STAC: variants seen among roughly 807,000 people sequenced by gnomAD.
STAC encodes SH3 and cysteine-rich domain-containing protein.
A neutral mutation model predicts 48.8 loss-of-function variants in STAC; 43 were observed. That is an observed-to-expected ratio of 0.88 (90% CI 0.69 to 1.14). The LOEUF is 1.14. Among genes scored for constraint, STAC ranks in the 50% most tolerant of loss-of-function variants. The pLI is 0.00. For missense variants in STAC, 497 were observed against 504.0 expected (o/e 0.99, Z 0.13); for synonymous variants, 193 against 179.5 (o/e 1.07, Z -0.60).
intron 1 of STAC, among the ~76,000 whole-genome samples, chr3:36,433,879 G>A (rs1373367461): frequency 6.6e-6 from 1 of 152,154 alleles, no homozygotes; most frequent in Non-Finnish European, 1.5e-5. Flanking sequence ...ACTGGTTTTT[G>A]GAGCTGGCTA....
intron 1 of STAC, among the ~76,000 whole-genome samples, chr3:36,398,593 G>A (rs1699929803): frequency 1.2e-5 from 1 of 85,140 alleles, no homozygotes; most frequent in Non-Finnish European, 2.3e-5. Context: ...AGGAAGGAAG[G>A]AAGGAAGAAA....
intron 3 of STAC, among the ~76,000 whole-genome samples, chr3:36,483,896 AG>A (rs1697727433): frequency 6.6e-6 from 1 of 152,206 alleles, no homozygotes; most frequent in East Asian, 1.9e-4. Context: ...GGTTTCAGTA[AG>A]CCATTATTGC....
intron 10 of STAC, among the ~76,000 whole-genome samples, chr3:36,536,566 C>T (rs184344302): frequency 2.4e-4 from 37 of 152,238 alleles, no homozygotes; most frequent in Admixed American, 6.5e-4. Context: ...AAGATGGACC[C>T]CTTTCTTACA....
intron 2 of STAC, among the ~76,000 whole-genome samples, chr3:36,456,848 C>T (rs112181997): frequency 1.9e-3 from 295 of 152,294 alleles, no homozygotes; most frequent in African/African-American, 6.6e-3. Flanking sequence ...ACAGCTCCCA[C>T]CCTGATTCAA....
At chr3:36,435,849 A>G (rs986043516) in intron 1 of STAC, among the ~76,000 whole-genome samples, 1 of 152,084 alleles carries the variant, frequency 6.6e-6, no homozygotes, top group African/African-American at 2.4e-5. Context: ...TTCTTCCCTC[A>G]GCTTCTAACA....
chr3:36,380,549 C>T lies in STAC; in HGVS notation c.-95C>T. On this transcript the variant is annotated 5_prime_UTR_variant, in exon 1 of 11. Transcript: ENST00000273183. ...GGCGAGGATGGGAGTCCCCAGGACCCGGAGCTGAGCAGCCTGGCGCGCGGC... is the reference window on the plus strand; with the variant it reads ...GGCGAGGATGGGAGTCCCCAGGACCTGGAGCTGAGCAGCCTGGCGCGCGGC... 1 of 1,010,574 alleles carries T rather than the reference C, an allele frequency of 9.9e-7. No homozygotes were observed. The highest frequency in any genetic ancestry group is 1.5e-6 in the Non-Finnish European group (1 of 666,708). The allele number at this position is 1,010,574 out of a possible 1,614,324, so 62.6% of individuals were successfully genotyped here.
intron 1 of STAC, among the ~76,000 whole-genome samples, chr3:36,442,506 A>G (rs1181119920): frequency 6.6e-6 from 1 of 152,182 alleles, no homozygotes; most frequent in East Asian, 1.9e-4. Flanking sequence ...ACCATGGTGC[A>G]AGCTGTCATC....
At chr3:36,460,137 T>C (rs1046735344) in intron 2 of STAC, among the ~76,000 whole-genome samples, 3 of 152,102 alleles carry the variant, frequency 2.0e-5, no homozygotes, top group Non-Finnish European at 2.9e-5. Flanking sequence ...GTAATCAGGA[T>C]ACCTGTGTTC....
At chr3:36,380,785 C>CAA in intron 1 of STAC, 31 bp downstream of exon 1, 1 of 1,527,882 alleles carries the variant, frequency 6.5e-7, no homozygotes, top group Non-Finnish European at 9.0e-7. Context: ...CAAGAGAACA[C>CAA]AAACTCACTC....
At chr3:36,474,953 G>C (rs1697450661) in intron 2 of STAC, among the ~76,000 whole-genome samples, 1 of 152,090 alleles carries the variant, frequency 6.6e-6, no homozygotes, top group Non-Finnish European at 1.5e-5. Flanking sequence ...GTAGAATCAG[G>C]ATGAAAATTC....
chr3:36,543,289 G>A (rs1699372369), intron 10 of STAC, among the ~76,000 whole-genome samples: 1 of 152,130 alleles, frequency 6.6e-6, no homozygotes, highest in South Asian at 2.1e-4. Flanking sequence ...GATTCTCAAG[G>A]CTGAGAGGTT....
At chr3:36,410,634 C>A (rs73059936) in intron 1 of STAC, among the ~76,000 whole-genome samples, 3,537 of 152,206 alleles carry the variant, frequency 0.023, 60 homozygotes, top group East Asian at 0.026. Context: ...AAAGGATATC[C>A]GTTCTTTTTG....
In STAC at chr3:36,400,043, A is replaced by G. The variant is rs377731517; in HGVS notation, c.111+19289A>G. Among the ~76,000 whole-genome samples, 16 of 152,368 alleles carry G rather than the reference A, an allele frequency of 1.1e-4. No homozygotes were observed. The South Asian group carries it at 3.3e-3, about 32-fold the overall frequency. On this transcript the variant is annotated intron_variant, in intron 1 of 10. Transcript: ENST00000273183. ...CCCGGTCGAAAGAGGTACAAGCAGTAAAGTAATAGTGAGTGACCTGTGGAA... is the reference window on the plus strand; with the variant it reads ...CCCGGTCGAAAGAGGTACAAGCAGTGAAGTAATAGTGAGTGACCTGTGGAA...
intron 1 of STAC, among the ~76,000 whole-genome samples, chr3:36,415,153 A>T (rs1400449817): frequency 1.3e-5 from 2 of 152,184 alleles, no homozygotes; most frequent in Non-Finnish European, 2.9e-5. Flanking sequence ...CGGTTCTCGG[A>T]TCTCAAGCTG....
At chr3:36,522,240 G>T (rs1698825528) in intron 8 of STAC, among the ~76,000 whole-genome samples, 1 of 152,132 alleles carries the variant, frequency 6.6e-6, no homozygotes, top group Non-Finnish European at 1.5e-5. Context: ...TTCTATATTT[G>T]TTTGTCATCT....
intron 2 of STAC, among the ~76,000 whole-genome samples, chr3:36,482,731 A>G (rs2125699460): frequency 6.6e-6 from 1 of 152,342 alleles, no homozygotes; most frequent in Non-Finnish European, 1.5e-5. Context: ...TTGAATTGAG[A>G]GAACAAAGGG....
rs991562739 is a variant in STAC at position 36,443,971 on chromosome 3, A to G, written c.388+331A>G. 6.6e-6 allele frequency among the ~76,000 whole-genome samples: 1 copy of G among 152,202 alleles called. No individual in the cohort carries two copies. Among genetic ancestry groups the G allele is most frequent in the African/African-American group, 2.4e-5 (1 of 41,454 alleles). On this transcript the variant is annotated intron_variant, in intron 2 of 10. Coordinates refer to ENST00000273183, the MANE Select transcript of STAC (RefSeq NM_003149.3). The surrounding 1 kb of genome is among the most constrained non-coding windows in gnomAD (Gnocchi z 4.2). ...CATCAGCCTGTCACTGTATATGGGC[A>G]ACAAGTGAGACCTGGAATGCTTGTT...
intron 8 of STAC, among the ~76,000 whole-genome samples, chr3:36,519,303 T>C (rs556561839): frequency 4.6e-5 from 7 of 152,338 alleles, no homozygotes; most frequent in African/African-American, 1.4e-4. Context: ...GCTTAGTGAA[T>C]GGACGCTTGG....
chr3:36,505,958 T>C, intron 8 of STAC, 124 bp downstream of exon 8: 3 of 614,958 alleles, frequency 4.9e-6, no homozygotes, highest in Non-Finnish European at 8.4e-6. Context: ...AACTTTAGCA[T>C]GTATCTAATG....
Sources: gnomAD v4.1 joint callset for allele counts (sites outside exome capture counted in the v4.1 genomes callset) on GRCh38, gnomAD v4.1.1 for gene constraint, Gnocchi (gnomAD v3.1) non-coding constraint, MANE v1.5 for transcripts, NCBI Gene and HGNC (gene_info 2026-07-23, HGNC 2026-07-21) for gene names.